The following ARHGAP31 variants were observed in gnomAD, a reference collection of about 807,000 sequenced individuals.
ARHGAP31 encodes the protein rho GTPase-activating protein 31.
In ARHGAP31, 34 loss-of-function variants were observed where a neutral mutation model predicts 113.9. That is an observed-to-expected ratio of 0.30 (90% CI 0.23 to 0.40). The LOEUF (loss-of-function observed/expected upper bound fraction) is 0.40. Ranked by LOEUF, ARHGAP31 falls within the 10% of genes least tolerant of loss-of-function variation. ARHGAP31 has a pLI of 1.00. For synonymous variants in ARHGAP31, 650 were observed against 684.8 expected (o/e 0.95, Z 0.79); for missense variants, 1,548 against 1,767.1 (o/e 0.88, Z 2.22).
chr3:119,328,644 T>C (rs1230197850), intron 1 of ARHGAP31, among the ~76,000 whole-genome samples: 1 of 151,980 alleles, frequency 6.6e-6, no homozygotes, highest in Non-Finnish European at 1.5e-5. Context: ...TCTTTCTTTC[T>C]TTCTTTTTTT....
chr3:119,404,831 G>A (rs894751334), intron 10 of ARHGAP31, among the ~76,000 whole-genome samples: 6 of 152,186 alleles, frequency 3.9e-5, no homozygotes, highest in Non-Finnish European at 8.8e-5. Context: ...AATCATCATG[G>A]TTGATTATCT....
chr3:119,331,338 T>C (rs1014710269), intron 1 of ARHGAP31, among the ~76,000 whole-genome samples: 3 of 152,216 alleles, frequency 2.0e-5, no homozygotes, highest in Non-Finnish European at 4.4e-5. Context: ...ATTACTTTTC[T>C]TCTGTGTGTA....
chr3:119,415,790 C>T lies in ARHGAP31; in HGVS notation c.3861C>T (p.Thr1287=), dbSNP rs1473987105. ...CACCCTGCATGTGCGAGGGACCTAC[C>T]CTTTCTCCAGAACCAGGCTCGTCTA... ...ATAPCMCEGP[T]LSPEPGSSNL... is the part of the protein sequence containing the mutation. The change falls in exon 12 of 12, where the codon ACC becomes ACT. Residue 1287 remains threonine (T), a synonymous_variant. Transcript: ENST00000264245. The T allele has an allele frequency of 6.2e-7, 1 of 1,614,194 alleles. No homozygotes were observed. The highest frequency in any genetic ancestry group is 1.1e-5 in the South Asian group (1 of 91,082).
At chr3:119,368,602 A>T (rs2080270066) in intron 3 of ARHGAP31, 86 bp downstream of exon 3, 16 of 1,499,316 alleles carry the variant, frequency 1.1e-5, no homozygotes, top group Non-Finnish European at 1.4e-5. Flanking sequence ...AACAATAATA[A>T]CACTCACCAG....
At chr3:119,309,980 A>C (rs2079665286) in intron 1 of ARHGAP31, among the ~76,000 whole-genome samples, 1 of 152,006 alleles carries the variant, frequency 6.6e-6, no homozygotes, top group Admixed American at 6.5e-5. Flanking sequence ...CAGGTCTCAA[A>C]AAAGAAAACA....
chr3:119,313,348 CTTT>C (rs2079699296), intron 1 of ARHGAP31, among the ~76,000 whole-genome samples: 1 of 152,106 alleles, frequency 6.6e-6, no homozygotes, highest in Admixed American at 6.5e-5. Flanking sequence ...TTCACCATTT[CTTT>C]GTGTATGAAG....
chr3:119,362,429 C>G (rs564058419), intron 1 of ARHGAP31, among the ~76,000 whole-genome samples: 33 of 152,190 alleles, frequency 2.2e-4, no homozygotes, highest in South Asian at 2.1e-3. Context: ...AAATTACTCT[C>G]AAATCAAAAA....
Position 119,420,435 on chromosome 3 carries a change from A to C in ARHGAP31, c.*4171A>C, listed in dbSNP as rs1320054830. 6.6e-6 allele frequency: 1 copy of C among 152,262 alleles called. No homozygotes were observed. The highest frequency in any genetic ancestry group is 2.4e-5 in the African/African-American group (1 of 41,450). The allele number at this position is 152,262 out of a possible 1,614,324, so 9.4% of individuals were successfully genotyped here. ...CATGGAGAGGAGGGGGCAATGGTGG[A>C]AGGGTGATTGCCTGAAATCAGTGCC... On this transcript the variant is annotated 3_prime_UTR_variant, in exon 12 of 12. Coordinates refer to ENST00000264245, the MANE Select transcript of ARHGAP31 (RefSeq NM_020754.4).
At chr3:119,360,337 C>T (rs1405376335) in intron 1 of ARHGAP31, among the ~76,000 whole-genome samples, 1 of 152,194 alleles carries the variant, frequency 6.6e-6, no homozygotes, top group Non-Finnish European at 1.5e-5. Flanking sequence ...AAGTCAAGAC[C>T]TTAACAAAAT....
intron 10 of ARHGAP31, among the ~76,000 whole-genome samples, chr3:119,406,346 A>G (rs2080660517): frequency 6.6e-6 from 1 of 152,228 alleles, no homozygotes; most frequent in East Asian, 1.9e-4. Context: ...GTTAAAAAAT[A>G]TATATTTAAA....
At chr3:119,385,268 C>G (rs193087038) in intron 6 of ARHGAP31, among the ~76,000 whole-genome samples, 1 of 152,036 alleles carries the variant, frequency 6.6e-6, no homozygotes, top group East Asian at 1.9e-4. Context: ...CAAGGTTTAC[C>G]AATCTTGTTG....
chr3:119,321,546 G>A (rs978164532), intron 1 of ARHGAP31, among the ~76,000 whole-genome samples: 55 of 149,882 alleles, frequency 3.7e-4, no homozygotes, highest in African/African-American at 1.3e-3. Context: ...CTGTGTGTGT[G>A]TATATATATA....
chr3:119,350,517 AG>A (rs1398278172), intron 1 of ARHGAP31, among the ~76,000 whole-genome samples: 4 of 152,218 alleles, frequency 2.6e-5, no homozygotes, highest in African/African-American at 4.8e-5. Context: ...ACCATTAGGA[AG>A]CTCTACAGCC....
intron 10 of ARHGAP31, among the ~76,000 whole-genome samples, chr3:119,407,355 A>AAAAAAG (rs1553767483): frequency 7.4e-6 from 1 of 135,670 alleles, no homozygotes; most frequent in Non-Finnish European, 1.5e-5. Context: ...TCGAAAAAAA[A>AAAAAAG]AAAGAAAGAA....
chr3:119,342,817 T>C (rs1355448397), intron 1 of ARHGAP31, among the ~76,000 whole-genome samples: 1 of 151,954 alleles, frequency 6.6e-6, no homozygotes, highest in Non-Finnish European at 1.5e-5. Flanking sequence ...GGCTTGGTGG[T>C]TCATGCCTGT....
At chr3:119,367,142 A>C (rs1024244617) in intron 2 of ARHGAP31, among the ~76,000 whole-genome samples, 2 of 151,948 alleles carry the variant, frequency 1.3e-5, no homozygotes, top group African/African-American at 2.4e-5. Context: ...AGCCCCACTC[A>C]GTTTCTTTCA....
chr3:119,354,998 G>A (rs767944099), intron 1 of ARHGAP31, among the ~76,000 whole-genome samples: 1 of 152,096 alleles, frequency 6.6e-6, no homozygotes, highest in African/African-American at 2.4e-5. Context: ...CAACGGCAAG[G>A]AGCCAATCCA....
intron 1 of ARHGAP31, among the ~76,000 whole-genome samples, chr3:119,317,655 C>T (rs1211731484): frequency 6.6e-6 from 1 of 151,814 alleles, no homozygotes; most frequent in African/African-American, 2.4e-5. Flanking sequence ...ACAGATGCAT[C>T]CCAATTACTG....
chr3:119,353,937 TAGA>T (rs1309169993), intron 1 of ARHGAP31, among the ~76,000 whole-genome samples: 46 of 152,158 alleles, frequency 3.0e-4, no homozygotes, highest in African/African-American at 1.1e-3. Flanking sequence ...TCTGCTTTGG[TAGA>T]AGGAGAATCG....
Sources: gnomAD v4.1 joint callset for allele counts (sites outside exome capture counted in the v4.1 genomes callset) on GRCh38, gnomAD v4.1.1 for gene constraint, MANE v1.5 for transcripts, NCBI Gene and HGNC (gene_info 2026-07-23, HGNC 2026-07-21) for gene names.